The following EMP1 variants were observed in gnomAD, a reference collection of about 807,000 sequenced individuals.
EMP1 encodes the protein tumor-associated membrane protein.
A neutral mutation model predicts 15.7 loss-of-function variants in EMP1; 5 were observed. The observed-to-expected ratio is 0.32, with a 90% CI of 0.17 to 0.67. The LOEUF is 0.67. Ranked by LOEUF, EMP1 falls within the 30% of genes least tolerant of loss-of-function variation. The pLI, the probability that EMP1 is intolerant of heterozygous loss-of-function variation, is 0.74. For synonymous variants in EMP1, 78 were observed against 76.7 expected, an observed-to-expected ratio of 1.02 and a Z score of -0.09; for missense variants, 166 against 194.2, an observed-to-expected ratio of 0.85 and a Z score of 0.86.
chr12:13,197,399 G>A (rs1864024425), intron 1 of EMP1, among the ~76,000 whole-genome samples: 1 of 152,174 alleles, frequency 6.6e-6, no homozygotes, highest in Admixed American at 6.5e-5. Flanking sequence ...TTTCCTGCCT[G>A]TTTGCTTCCC....
chr12:13,206,439 G>A (rs776484274), intron 1 of EMP1, among the ~76,000 whole-genome samples: 11 of 152,226 alleles, frequency 7.2e-5, no homozygotes, highest in South Asian at 6.2e-4. Context: ...TGTTTGCATC[G>A]TCTTCAGCTC....
Position 13,217,978 on chromosome 12 carries a change from T to G in EMP1, c.*3287T>G, listed in dbSNP as rs1285617002. The G allele has an allele frequency of 6.6e-6, 1 of 152,100 alleles. No individual in the cohort carries two copies. Among genetic ancestry groups the G allele is most frequent in the African/African-American group, 2.4e-5 (1 of 41,394 alleles). The allele number at this position is 152,100 out of a possible 1,614,324, so 9.4% of individuals were successfully genotyped here. A position where few individuals can be genotyped will look rare whatever the true frequency, so the allele number is the denominator to read the frequency against. ...TTTTATAGAGAAGCTTAAAAAATATTTGTTGAATTAAATGTCTTAGGTAGA... is the reference window on the plus strand; with the variant it reads ...TTTTATAGAGAAGCTTAAAAAATATGTGTTGAATTAAATGTCTTAGGTAGA... On this transcript the variant is annotated 3_prime_UTR_variant, in exon 5 of 5. Transcript: ENST00000256951.
rs1250731355 is a variant in EMP1, at chr12:13,213,518, C to T, written c.118C>T (p.Leu40Phe). 1.2e-6 allele frequency: 2 copies of T among 1,614,194 alleles called. No individual in the cohort carries two copies. Among genetic ancestry groups the T allele is most frequent in the South Asian group, 2.2e-5 (2 of 91,080 alleles). Residue 40 changes from leucine to phenylalanine, a missense_variant, in exon 3 of 5, where the codon CTT becomes TTT. By Grantham distance (22) the Leu-to-Phe change is conservative. Transcript: ENST00000256951. ...VSNTVDASVGLWKNCTNISCS... is the reference protein window; with the variant it reads ...VSNTVDASVGFWKNCTNISCS... The stretch of plus-strand genomic sequence containing the variant: ...CAATACGGTAGATGCATCAGTAGGT[C>T]TTTGGAAAAACTGTACCAACATTAG...
chr12:13,215,688 T>C lies in EMP1; in HGVS notation c.*997T>C, dbSNP rs1194005430. The C allele has an allele frequency of 6.6e-6, 1 of 152,534 alleles. No individual in the cohort carries two copies. The highest frequency in any genetic ancestry group is 2.4e-5 in the African/African-American group (1 of 41,448). The allele number at this position is 152,534 out of a possible 1,614,324, so 9.4% of individuals were successfully genotyped here. ...GGAAGTTTTGTCTAATTATCAATATTGAGGATCAGGGCTCCTAGGCTCAGT... is the reference window on the plus strand; with the variant it reads ...GGAAGTTTTGTCTAATTATCAATATCGAGGATCAGGGCTCCTAGGCTCAGT... On this transcript the variant is annotated 3_prime_UTR_variant, in exon 5 of 5. Coordinates refer to ENST00000256951, the MANE Select transcript of EMP1 (RefSeq NM_001423.3).
At chr12:13,200,536 A>G (rs1308058420) in intron 1 of EMP1, among the ~76,000 whole-genome samples, 2 of 152,194 alleles carry the variant, frequency 1.3e-5, no homozygotes, top group Non-Finnish European at 2.9e-5. Flanking sequence ...TGCACTTGCT[A>G]TTCAGTAATC....
intron 1 of EMP1, among the ~76,000 whole-genome samples, chr12:13,207,666 C>T (rs887160070): frequency 6.6e-6 from 1 of 152,134 alleles, no homozygotes; most frequent in African/African-American, 2.4e-5. Context: ...ATACATGGGT[C>T]CTATACCTTC....
At position 13,211,654 on chromosome 12, in the gene EMP1, A is replaced by C; in HGVS notation, c.78+66A>C. Reference sequence around the variant, plus strand: ...ATTCGAATATTTACATCAAGTGCACAAAAGAAGTTTAAGCCACAGCCCTTG... The same window carrying C: ...ATTCGAATATTTACATCAAGTGCACCAAAGAAGTTTAAGCCACAGCCCTTG... On this transcript the variant is annotated intron_variant, in intron 2 of 4. Transcript: ENST00000256951. This position sits in a 1 kb window ranked among gnomAD's most constrained non-coding sequence, Gnocchi z 4.7. 2 of 1,588,130 alleles carry C rather than the reference A, an allele frequency of 1.3e-6. No individual in the cohort carries two copies.
intron 1 of EMP1, among the ~76,000 whole-genome samples, chr12:13,200,378 T>C (rs1260448745): frequency 6.6e-6 from 1 of 152,196 alleles, no homozygotes; most frequent in Non-Finnish European, 1.5e-5. Flanking sequence ...TGTAGCCTCC[T>C]TGTAATTGCT....
rs187959103 is a variant in EMP1 at position 13,209,933 on chromosome 12, C to T, written c.-42-1536C>T. On this transcript the variant is annotated intron_variant, in intron 1 of 4. Coordinates refer to ENST00000256951, the MANE Select transcript of EMP1 (RefSeq NM_001423.3). The stretch of plus-strand genomic sequence containing the variant: ...TTTGCATTCACAGTTAAGTTGGACA[C>T]ATTCCTAAAAAACAGCCTGGGTTGG... 1.5e-4 allele frequency among the ~76,000 whole-genome samples: 23 copies of T among 152,292 alleles called. No homozygotes were observed. The Middle Eastern group carries it at 0.01, about 68-fold the overall frequency.
At chr12:13,208,037 A>G (rs969946905) in intron 1 of EMP1, among the ~76,000 whole-genome samples, 1 of 152,194 alleles carries the variant, frequency 6.6e-6, no homozygotes, top group Non-Finnish European at 1.5e-5. Flanking sequence ...GACTAGGGGT[A>G]TGCTTTCCAC....
At position 13,218,515 on chromosome 12, in the gene EMP1, T is replaced by G. The variant is rs977057838; in HGVS notation, c.*3824T>G. On this transcript the variant is annotated 3_prime_UTR_variant, in exon 5 of 5. Coordinates refer to ENST00000256951, the MANE Select transcript of EMP1 (RefSeq NM_001423.3). ...GAAAAGAAGAAAACTTGTTGGAAAT[T>G]TTGGAGTAGATTGTGAGGAGGGGTG... 6.6e-6 allele frequency: 1 copy of G among 151,950 alleles called. No individual in the cohort carries two copies. The allele number at this position is 151,950 out of a possible 1,614,324, so 9.4% of individuals were successfully genotyped here.
Position 13,214,070 on chromosome 12 carries a change from C to T in EMP1, c.316+249C>T, listed in dbSNP as rs1009187722. 1.4e-4 allele frequency: 91 copies of T among 670,478 alleles called. 1 individual carries two copies. The highest frequency in any genetic ancestry group is 1.2e-3 in the South Asian group (70 of 59,852). The allele number at this position is 670,478 out of a possible 1,614,324, so 41.5% of individuals were successfully genotyped here. A position where few individuals can be genotyped will look rare whatever the true frequency, so the allele number is the denominator to read the frequency against. ...TGGCAGTGCATATCTGTTAGTAGCA[C>T]GTGTGTACAAGACACTTCAAGAAGG... On this transcript the variant is annotated intron_variant, in intron 4 of 4. Coordinates refer to ENST00000256951, the MANE Select transcript of EMP1 (RefSeq NM_001423.3).
At position 13,211,640 on chromosome 12, in the gene EMP1, T is replaced by C; in HGVS notation, c.78+52T>C. 1 of 1,598,968 alleles carries C rather than the reference T, an allele frequency of 6.3e-7. No homozygotes were observed. Among genetic ancestry groups the C allele is most frequent in the South Asian group, 1.1e-5 (1 of 90,236 alleles). On this transcript the variant is annotated intron_variant, in intron 2 of 4. Transcript: ENST00000256951. This position sits in a 1 kb window ranked among gnomAD's most constrained non-coding sequence, Gnocchi z 4.7. The stretch of plus-strand genomic sequence containing the variant: ...TTCATTGAGAAATCATTCGAATATT[T>C]ACATCAAGTGCACAAAAGAAGTTTA...
intron 1 of EMP1, among the ~76,000 whole-genome samples, chr12:13,208,026 G>A (rs956431592): frequency 2.6e-5 from 4 of 152,182 alleles, no homozygotes; most frequent in African/African-American, 7.2e-5. Flanking sequence ...TGCCTCACTA[G>A]GACTAGGGGT....
intron 1 of EMP1, among the ~76,000 whole-genome samples, chr12:13,210,872 A>G (rs1864159129): frequency 6.6e-6 from 1 of 152,188 alleles, no homozygotes; most frequent in Non-Finnish European, 1.5e-5. Flanking sequence ...ATTATTGAAA[A>G]CCAAACAGCA....
chr12:13,201,263 A>G (rs1864063894), intron 1 of EMP1, among the ~76,000 whole-genome samples: 1 of 152,042 alleles, frequency 6.6e-6, no homozygotes, highest in Non-Finnish European at 1.5e-5. Flanking sequence ...TTTAAAAAGC[A>G]GGGTGTGGTA....
At chr12:13,201,407 C>CA (rs77795835) in intron 1 of EMP1, among the ~76,000 whole-genome samples, 12,271 of 151,010 alleles carry the variant, frequency 0.081, 706 homozygotes, top group East Asian at 0.25. Flanking sequence ...CACCCTGTCT[C>CA]AAAAAAAACA....
intron 1 of EMP1, among the ~76,000 whole-genome samples, chr12:13,197,119 A>C (rs867642604): frequency 6.6e-6 from 1 of 152,220 alleles, no homozygotes; most frequent in Non-Finnish European, 1.5e-5. Context: ...GGATGGGGCT[A>C]AAATCGTGCC....
intron 1 of EMP1, among the ~76,000 whole-genome samples, chr12:13,200,123 A>G (rs1255230141): frequency 1.3e-5 from 2 of 152,120 alleles, no homozygotes; most frequent in Non-Finnish European, 2.9e-5. Context: ...TCCCACATGT[A>G]TGTACATAGC....
Sources: allele counts gnomAD v4.1 joint callset (sites outside exome capture counted in the v4.1 genomes callset), GRCh38; gene constraint gnomAD v4.1.1; non-coding constraint Gnocchi (gnomAD v3.1); transcripts MANE v1.5; gene names NCBI Gene and HGNC (gene_info 2026-07-23, HGNC 2026-07-21).